SEC23A: variants seen among roughly 807,000 people sequenced by gnomAD.
The protein encoded by SEC23A is SEC23 homolog A, COPII component.
SEC23A carries 56 observed loss-of-function variants against 103.7 expected under a neutral mutation model. The ratio of observed to expected loss-of-function variants is 0.54; its 90% CI spans 0.44 to 0.67. The LOEUF (loss-of-function observed/expected upper bound fraction) is 0.67. Ranked by LOEUF, SEC23A falls within the 30% of genes least tolerant of loss-of-function variation. SEC23A has a pLI of 0.00. For synonymous variants in SEC23A, 281 were observed against 293.0 expected (o/e 0.96, Z 0.42); for missense variants, 784 against 936.4 (o/e 0.84, Z 2.12).
chr14:39,093,279 A>T (rs1176477955), intron 2 of SEC23A, 35 bp from the exon 3 acceptor site: 2 of 1,534,728 alleles, frequency 1.3e-6, no homozygotes, highest in African/African-American at 1.4e-5. Context: ...ATATCAGTTC[A>T]TATTTCAGTT....
chr14:39,069,989 A>G (rs958692360), intron 9 of SEC23A, among the ~76,000 whole-genome samples: 3 of 152,146 alleles, frequency 2.0e-5, no homozygotes, highest in Non-Finnish European at 2.9e-5. Context: ...TACTTATCCT[A>G]TCTCCTCTCA....
chr14:39,042,359 T>C (rs1013449781), intron 17 of SEC23A, among the ~76,000 whole-genome samples: 15 of 152,232 alleles, frequency 9.9e-5, no homozygotes, highest in South Asian at 2.1e-4. Flanking sequence ...AAGTTACAAA[T>C]TTTAATTCAT....
At chr14:39,047,989 T>C (rs1885901822) in intron 15 of SEC23A, among the ~76,000 whole-genome samples, 1 of 152,216 alleles carries the variant, frequency 6.6e-6, no homozygotes, top group Admixed American at 6.5e-5. Flanking sequence ...GATGATACCA[T>C]ACTGCAAGAC....
intron 18 of SEC23A, 175 bp from the exon 19 acceptor site, chr14:39,039,271 A>G: frequency 1.7e-6 from 1 of 581,456 alleles, no homozygotes. Flanking sequence ...AAGTGTTACA[A>G]ATAAATAATA....
rs143771658 is a variant in SEC23A, at chr14:39,096,238, A to C, written c.-21-99T>G. The C allele has an allele frequency of 1.4e-4, 120 of 842,080 alleles. No homozygotes were observed. In the African/African-American group the frequency reaches 1.6e-3, roughly 11 times the overall value. The allele number at this position is 842,080 out of a possible 1,614,324, so 52.2% of individuals were successfully genotyped here. A position where few individuals can be genotyped will look rare whatever the true frequency, so the allele number is the denominator to read the frequency against. On this transcript the variant is annotated intron_variant, in intron 1 of 19. Coordinates refer to ENST00000307712, the MANE Select transcript of SEC23A (RefSeq NM_006364.4). The stretch of plus-strand genomic sequence containing the variant: ...TCATTCAGCAATATTAACACCTTAG[A>C]AATCAGGACCAGCTGGGCCCCGTGG...
intron 9 of SEC23A, among the ~76,000 whole-genome samples, chr14:39,069,228 T>TA (rs1886766538): frequency 6.6e-6 from 1 of 152,192 alleles, no homozygotes; most frequent in African/African-American, 2.4e-5. Flanking sequence ...TTGGTATTCT[T>TA]ACATCCCTAT....
At position 39,085,687 on chromosome 14, in the gene SEC23A, T is replaced by G. The variant is rs56156769; in HGVS notation, c.828+75A>C. The G allele has an allele frequency of 3.4e-6, 4 of 1,179,284 alleles. No homozygotes were observed. In the South Asian group the frequency reaches 5.4e-5, roughly 16 times the overall value. 73.1% of individuals were successfully genotyped at this position (1,179,284 alleles called of 1,614,324 possible). A position where few individuals can be genotyped will look rare whatever the true frequency, so the allele number is the denominator to read the frequency against. The stretch of plus-strand genomic sequence containing the variant: ...GGTTCTTCTTATCCTTATAATTATA[T>G]ATACACACACACACACACACACACA... On this transcript the variant is annotated intron_variant, in intron 7 of 19. Transcript: ENST00000307712.
chr14:39,039,147 A>T, intron 18 of SEC23A, 51 bp from the exon 19 acceptor site: 1 of 1,397,840 alleles, frequency 7.2e-7, no homozygotes, highest in African/African-American at 1.4e-5. Context: ...GTTTCAGTCA[A>T]TATCAGCTGA....
chr14:39,036,459 T>C (rs1885465872), intron 19 of SEC23A, among the ~76,000 whole-genome samples: 1 of 152,140 alleles, frequency 6.6e-6, no homozygotes, highest in Non-Finnish European at 1.5e-5. Flanking sequence ...TAGAACTGTT[T>C]TTAATCTTTT....
rs11281624 is a variant in SEC23A at position 39,033,425 on chromosome 14, T to TA, written c.2209-98_2209-97insT. 898 of 654,366 alleles carry TA rather than the reference T, an allele frequency of 1.4e-3. 5 individuals are homozygous for TA. In the African/African-American group the frequency reaches 0.016, roughly 12 times the overall value. The allele number at this position is 654,366 out of a possible 1,614,324, so 40.5% of individuals were successfully genotyped here. A position where few individuals can be genotyped will look rare whatever the true frequency, so the allele number is the denominator to read the frequency against. On this transcript the variant is annotated intron_variant, in intron 19 of 19. Coordinates refer to ENST00000307712, the MANE Select transcript of SEC23A (RefSeq NM_006364.4). ...AAATAGACAAGGAAATCATTTGAAATGCCTATGGTCCTATTAAATAAAAAG... is the reference window on the plus strand; with the variant it reads ...AAATAGACAAGGAAATCATTTGAAATAGCCTATGGTCCTATTAAATAAAAAG...
chr14:39,047,442 T>C, intron 15 of SEC23A: 2 of 1,282,464 alleles, frequency 1.6e-6, no homozygotes, highest in Non-Finnish European at 2.0e-6. Context: ...CTCTCCTCTG[T>C]AAGCATGGAG....
chr14:39,083,062 T>G (rs1887281774), intron 7 of SEC23A, among the ~76,000 whole-genome samples: 1 of 152,194 alleles, frequency 6.6e-6, no homozygotes, highest in South Asian at 2.1e-4. Flanking sequence ...TTTTAATAGT[T>G]TTATATTGTG....
chr14:39,060,694 A>C (rs984193569), intron 13 of SEC23A, among the ~76,000 whole-genome samples: 1 of 152,246 alleles, frequency 6.6e-6, no homozygotes, highest in African/African-American at 2.4e-5. Context: ...GCAGAGAAAT[A>C]ATTTATTCGT....
chr14:39,065,990 T>A, intron 10 of SEC23A, among the ~76,000 whole-genome samples: 1 of 61,490 alleles, frequency 1.6e-5, no homozygotes, highest in African/African-American at 8.0e-5. Context: ...AGAGCGAAAC[T>A]CCATCTCAAA....
chr14:39,087,180 A>G (rs922376845), intron 5 of SEC23A, among the ~76,000 whole-genome samples, 172 bp from the exon 6 acceptor site: 7 of 152,258 alleles, frequency 4.6e-5, no homozygotes, highest in Admixed American at 2.6e-4. Flanking sequence ...CAAGAAAACA[A>G]TAACACAAAA....
intron 9 of SEC23A, among the ~76,000 whole-genome samples, chr14:39,067,967 C>A (rs181085598): frequency 2.8e-4 from 43 of 151,936 alleles, no homozygotes; most frequent in African/African-American, 8.9e-4. Flanking sequence ...ACCCACCTGG[C>A]CCATTCTCAC....
intron 13 of SEC23A, among the ~76,000 whole-genome samples, chr14:39,059,957 C>T (rs1886417161): frequency 6.6e-6 from 1 of 152,122 alleles, no homozygotes; most frequent in Non-Finnish European, 1.5e-5. Flanking sequence ...TAATCTGGAT[C>T]AGTTGCTCAG....
chr14:39,064,596 A>C (rs764043610), intron 11 of SEC23A: 42 of 261,760 alleles, frequency 1.6e-4, no homozygotes, highest in Admixed American at 6.1e-4. Context: ...AAGGGTATGC[A>C]GAAAGAGCAA....
At chr14:39,047,925 A>G (rs997063464) in intron 15 of SEC23A, among the ~76,000 whole-genome samples, 10 of 152,228 alleles carry the variant, frequency 6.6e-5, no homozygotes, top group African/African-American at 2.4e-4. Flanking sequence ...AAGGTAAATC[A>G]AATGAGTTTA....
Sources: allele counts gnomAD v4.1 joint callset (sites outside exome capture counted in the v4.1 genomes callset), GRCh38; gene constraint gnomAD v4.1.1; transcripts MANE v1.5; gene names NCBI Gene and HGNC (gene_info 2026-07-23, HGNC 2026-07-21).